The following RORA variants were observed in gnomAD, a reference collection of about 807,000 sequenced individuals.
The protein encoded by RORA is nuclear receptor ROR-alpha.
Under a neutral mutation model 69.5 loss-of-function variants are expected in RORA, and 7 were observed. The observed-to-expected ratio is 0.10, with a 90% CI of 0.06 to 0.19. The LOEUF (loss-of-function observed/expected upper bound fraction) is 0.19, where lower values mean the gene tolerates loss of function less well. Ranked by LOEUF, RORA falls within the 10% of genes least tolerant of loss-of-function variation. The pLI is 1.00. For missense variants in RORA, 457 were observed against 663.0 expected (o/e 0.69, Z 3.41); for synonymous variants, 261 against 240.8 (o/e 1.08, Z -0.78).
chr15:60,560,714 T>G (rs2067513906), intron 2 of RORA, among the ~76,000 whole-genome samples: 1 of 152,190 alleles, frequency 6.6e-6, no homozygotes, highest in Non-Finnish European at 1.5e-5. Context: ...AAAATAAGTA[T>G]ATAACTGTAT....
At chr15:60,627,362 C>T (rs200758127) in intron 2 of RORA, 4 of 1,614,052 alleles carry the variant, frequency 2.5e-6, no homozygotes, top group East Asian at 2.2e-5. Context: ...TCTCCTGGGG[C>T]CCCCTCATTC....
intron 1 of RORA, among the ~76,000 whole-genome samples, chr15:60,901,910 G>A (rs1408870505): frequency 1.3e-5 from 2 of 152,226 alleles, no homozygotes. Flanking sequence ...CACGGTGCCT[G>A]ACAGATGTCA....
intron 1 of RORA, among the ~76,000 whole-genome samples, chr15:60,775,674 C>G (rs920585342): frequency 6.6e-6 from 1 of 152,228 alleles, no homozygotes; most frequent in Non-Finnish European, 1.5e-5. Context: ...TGGAACAGAT[C>G]TGAGCCAACA....
At chr15:61,032,842 A>G (rs1228807389) in intron 1 of RORA, among the ~76,000 whole-genome samples, 1 of 152,234 alleles carries the variant, frequency 6.6e-6, no homozygotes. Flanking sequence ...GAACAATAAT[A>G]AAATAAGGAA....
intron 1 of RORA, among the ~76,000 whole-genome samples, chr15:60,786,086 G>A (rs1212226702): frequency 1.3e-5 from 2 of 152,204 alleles, no homozygotes; most frequent in African/African-American, 2.4e-5. Context: ...TGTGGAATAC[G>A]CCAAAAGACA....
chr15:60,513,048 G>C (rs927420860), intron 4 of RORA, among the ~76,000 whole-genome samples: 2 of 152,216 alleles, frequency 1.3e-5, no homozygotes, highest in African/African-American at 4.8e-5. Context: ...CAGGAGGCAG[G>C]ATAGATGGAC....
At chr15:60,501,592 A>T (rs139018796) in intron 8 of RORA, among the ~76,000 whole-genome samples, 77 of 152,326 alleles carry the variant, frequency 5.1e-4, no homozygotes, top group African/African-American at 1.7e-3. Context: ...TAACCTATAG[A>T]GTCTAATAGC....
intron 3 of RORA, among the ~76,000 whole-genome samples, chr15:60,518,615 C>T (rs540457660): frequency 1.3e-5 from 2 of 152,370 alleles, no homozygotes; most frequent in South Asian, 2.1e-4. Flanking sequence ...CATGATTCCC[C>T]TGCCCTGGTC....
In RORA at chr15:60,496,580, C is replaced by T. The variant is rs977656096; in HGVS notation, c.*875G>A. 3 of 151,924 alleles carry T rather than the reference C, an allele frequency of 2.0e-5. No homozygotes were observed. The highest frequency in any genetic ancestry group is 1.9e-4 in the East Asian group (1 of 5,182). The allele number at this position is 151,924 out of a possible 1,614,324, so 9.4% of individuals were successfully genotyped here. On this transcript the variant is annotated 3_prime_UTR_variant, in exon 11 of 11. Transcript: ENST00000335670. The surrounding 1 kb of genome is among the most constrained non-coding windows in gnomAD (Gnocchi z 4.5). The stretch of plus-strand genomic sequence containing the variant: ...GCAAAGTATAATTTAGGGAGAGTTC[C>T]GTTTCTAATTCCAAATTCACATGTT...
chr15:60,880,973 A>G (rs1264242154), intron 1 of RORA, among the ~76,000 whole-genome samples: 1 of 152,146 alleles, frequency 6.6e-6, no homozygotes, highest in Non-Finnish European at 1.5e-5. Context: ...TCTCACCCCT[A>G]TTTTAACCTC....
intron 1 of RORA, among the ~76,000 whole-genome samples, chr15:60,975,626 G>C (rs1893853521): frequency 1.3e-5 from 2 of 152,160 alleles, no homozygotes; most frequent in South Asian, 4.1e-4. Flanking sequence ...CTCTCCCTCG[G>C]AGGCTAAGCT....
At chr15:60,786,570 C>A (rs192612242) in intron 1 of RORA, among the ~76,000 whole-genome samples, 44 of 152,340 alleles carry the variant, frequency 2.9e-4, no homozygotes, top group African/African-American at 9.4e-4. Context: ...AACCTTCTGC[C>A]ACCAGGGCCA....
chr15:60,907,921 C>A (rs892929545), intron 1 of RORA, among the ~76,000 whole-genome samples: 1 of 152,202 alleles, frequency 6.6e-6, no homozygotes, highest in Non-Finnish European at 1.5e-5. Flanking sequence ...CTCCCAGGTG[C>A]ACAGTGAACA....
chr15:61,019,164 A>T (rs546053409), intron 1 of RORA, among the ~76,000 whole-genome samples: 6 of 152,356 alleles, frequency 3.9e-5, no homozygotes, highest in Non-Finnish European at 8.8e-5. Context: ...AGCACCACAG[A>T]ACATGCCCAG....
Position 61,213,880 on chromosome 15 carries a change from C to G in RORA, c.166+15173G>C, listed in dbSNP as rs140209349. The G allele has an allele frequency of 6.6e-6, 1 of 152,332 alleles. No homozygotes were observed. The highest frequency in any genetic ancestry group is 2.4e-5 in the African/African-American group (1 of 41,568). 9.4% of individuals were successfully genotyped at this position (152,332 alleles called of 1,614,324 possible). The stretch of plus-strand genomic sequence containing the variant: ...CAAGGAGGCGATATATTCTATTATA[C>G]TGCCCTTAAACATTTGAAACTTTCG... On this transcript the variant is annotated intron_variant, in intron 1 of 10. Transcript: ENST00000335670. This position sits in a 1 kb window ranked among gnomAD's most constrained non-coding sequence, Gnocchi z 4.1.
chr15:60,840,305 C>G (rs1238759672), intron 1 of RORA, among the ~76,000 whole-genome samples: 3 of 152,252 alleles, frequency 2.0e-5, no homozygotes, highest in African/African-American at 4.8e-5. Flanking sequence ...AGCCAGTGTC[C>G]TCTGCACCTG....
chr15:61,012,060 G>A (rs982831455), intron 1 of RORA, among the ~76,000 whole-genome samples: 13 of 152,344 alleles, frequency 8.5e-5, no homozygotes, highest in Non-Finnish European at 1.0e-4. Context: ...GACCAGGAAG[G>A]GGGGTGTTCA....
At chr15:60,753,522 T>A (rs2071757035) in intron 1 of RORA, among the ~76,000 whole-genome samples, 1 of 152,182 alleles carries the variant, frequency 6.6e-6, no homozygotes, top group Non-Finnish European at 1.5e-5. Context: ...CCACCCTTCA[T>A]CCCTTATCAC....
intron 1 of RORA, among the ~76,000 whole-genome samples, chr15:61,218,956 G>A (rs1385383610): frequency 2.0e-5 from 3 of 152,060 alleles, no homozygotes; most frequent in African/African-American, 7.2e-5. Context: ...CTTTGCTGTG[G>A]GCCTCCTGGC....
Sources: allele counts gnomAD v4.1 joint callset (sites outside exome capture counted in the v4.1 genomes callset), GRCh38; gene constraint gnomAD v4.1.1; non-coding constraint Gnocchi (gnomAD v3.1); transcripts MANE v1.5; gene names NCBI Gene and HGNC (gene_info 2026-07-23, HGNC 2026-07-21).